Variants in WWOX observed in about 807,000 individuals in gnomAD.
WWOX encodes WW domain containing oxidoreductase, also known as WW domain-containing oxidoreductase.
A neutral mutation model predicts 46.2 loss-of-function variants in WWOX; 69 were observed. That is an observed-to-expected ratio of 1.49 (90% CI 1.23 to 1.82). The LOEUF (loss-of-function observed/expected upper bound fraction) is 1.82. Among genes scored for constraint, WWOX ranks in the 40% most tolerant of loss-of-function variants. WWOX has a pLI of 0.00. For synonymous variants in WWOX, 359 were observed against 202.6 expected (o/e 1.77, Z -6.56); for missense variants, 919 against 542.6 (o/e 1.69, Z -6.89).
chr16:78,373,163 A>G (rs2081734708), intron 5 of WWOX, among the ~76,000 whole-genome samples: 1 of 152,124 alleles, frequency 6.6e-6, no homozygotes, highest in Non-Finnish European at 1.5e-5. Flanking sequence ...CCAGCACACA[A>G]TGACATTTTA....
chr16:78,524,817 T>TG (rs988317153), intron 8 of WWOX, among the ~76,000 whole-genome samples: 4 of 88,722 alleles, frequency 4.5e-5, no homozygotes, highest in South Asian at 5.0e-4. Context: ...TGATTTTTTA[T>TG]GGGTTTTTTT....
intron 8 of WWOX, among the ~76,000 whole-genome samples, chr16:78,937,217 C>G (rs113969919): frequency 1.3e-5 from 2 of 152,064 alleles, no homozygotes; most frequent in Non-Finnish European, 1.5e-5. Context: ...GAAGAGAAAA[C>G]TTTCAACTTT....
chr16:78,213,027 C>T (rs1185733211), intron 5 of WWOX, among the ~76,000 whole-genome samples: 4 of 151,868 alleles, frequency 2.6e-5, no homozygotes, highest in Admixed American at 6.6e-5. Flanking sequence ...GGGAGGTGGG[C>T]GGATCACTTT....
intron 8 of WWOX, among the ~76,000 whole-genome samples, chr16:78,918,075 G>A (rs1015657408): frequency 2.1e-4 from 32 of 152,088 alleles, no homozygotes; most frequent in African/African-American, 7.7e-4. Flanking sequence ...GGTGGTGCAT[G>A]CTTGTAGTCC....
At chr16:79,134,710 T>G (rs573642417) in intron 8 of WWOX, among the ~76,000 whole-genome samples, 4 of 152,294 alleles carry the variant, frequency 2.6e-5, no homozygotes, top group South Asian at 4.1e-4. Context: ...ATGAAGGGAC[T>G]TGGGGCTCAG....
At chr16:78,416,213 C>G (rs11862579) in intron 6 of WWOX, among the ~76,000 whole-genome samples, 11,744 of 152,234 alleles carry the variant, frequency 0.077, 1,288 homozygotes, top group African/African-American at 0.25. Context: ...TTTTCCTTTT[C>G]ATAGTCTGTA....
At chr16:78,109,105 G>A (rs114980716) in intron 2 of WWOX, among the ~76,000 whole-genome samples, 1 of 152,162 alleles carries the variant, frequency 6.6e-6, no homozygotes, top group Non-Finnish European at 1.5e-5. Context: ...CTATACTATG[G>A]AATTAAATAT....
chr16:78,228,655 C>T (rs1230255875), intron 5 of WWOX, among the ~76,000 whole-genome samples: 1 of 152,128 alleles, frequency 6.6e-6, no homozygotes. Flanking sequence ...GAATCATATT[C>T]TCTTCACTGA....
chr16:78,569,344 A>G (rs1158457793), intron 8 of WWOX, among the ~76,000 whole-genome samples: 3 of 152,206 alleles, frequency 2.0e-5, no homozygotes, highest in African/African-American at 7.2e-5. Context: ...TTCAAACTTG[A>G]CATCCACATT....
intron 8 of WWOX, among the ~76,000 whole-genome samples, chr16:78,741,106 C>G (rs2049214605): frequency 6.6e-6 from 1 of 152,106 alleles, no homozygotes; most frequent in Admixed American, 6.5e-5. Context: ...ACAGTCATGC[C>G]TGTTAGGTTA....
chr16:78,475,340 C>T (rs1197572525), intron 8 of WWOX, among the ~76,000 whole-genome samples: 1 of 152,208 alleles, frequency 6.6e-6, no homozygotes, highest in Non-Finnish European at 1.5e-5. Context: ...AGATTGGCTG[C>T]ATCAGCACCT....
At chr16:78,597,552 A>C (rs936270574) in intron 8 of WWOX, among the ~76,000 whole-genome samples, 1 of 152,198 alleles carries the variant, frequency 6.6e-6, no homozygotes, top group Non-Finnish European at 1.5e-5. Flanking sequence ...GACCTGTTTT[A>C]AGAAAAGCTG....
intron 8 of WWOX, among the ~76,000 whole-genome samples, chr16:78,651,838 T>C (rs1037922792): frequency 6.6e-6 from 1 of 152,218 alleles, no homozygotes; most frequent in African/African-American, 2.4e-5. Flanking sequence ...ACTCATGCCT[T>C]ATTCTTTCGG....
intron 8 of WWOX, among the ~76,000 whole-genome samples, chr16:79,158,471 CT>C (rs1199425575): frequency 6.7e-6 from 1 of 150,272 alleles, no homozygotes; most frequent in Non-Finnish European, 1.5e-5. Context: ...CTTTAAACCC[CT>C]TCATGGCTTC....
chr16:78,884,254 C>CT, intron 8 of WWOX, among the ~76,000 whole-genome samples: 1 of 112,946 alleles, frequency 8.9e-6, no homozygotes, highest in South Asian at 2.9e-4. Flanking sequence ...GCTTGGGTGA[C>CT]AGAGTGAGAC....
chr16:79,142,941 C>G (rs2050117843), intron 8 of WWOX, among the ~76,000 whole-genome samples: 1 of 152,036 alleles, frequency 6.6e-6, no homozygotes, highest in African/African-American at 2.4e-5. Context: ...TGGGCTCAAG[C>G]CACCAGCCTG....
intron 8 of WWOX, among the ~76,000 whole-genome samples, chr16:78,443,805 T>A (rs990345473): frequency 5.9e-5 from 9 of 152,206 alleles, no homozygotes; most frequent in African/African-American, 2.2e-4. Context: ...TTTTTTCTTT[T>A]AAGTTTGTGG....
At chr16:79,114,254 G>A (rs1011983087) in intron 8 of WWOX, among the ~76,000 whole-genome samples, 3 of 151,932 alleles carry the variant, frequency 2.0e-5, no homozygotes, top group African/African-American at 7.3e-5. Flanking sequence ...TTTGGAAGTA[G>A]GGTCTTTGCA....
At chr16:78,476,894 C>T (rs1597139478) in intron 8 of WWOX, among the ~76,000 whole-genome samples, 1 of 151,982 alleles carries the variant, frequency 6.6e-6, no homozygotes, top group East Asian at 1.9e-4. Flanking sequence ...TTCTTCCTCC[C>T]TCTTCTCTCC....
Sources: gnomAD v4.1 joint callset for allele counts (sites outside exome capture counted in the v4.1 genomes callset) on GRCh38, gnomAD v4.1.1 for gene constraint, MANE v1.5 for transcripts, NCBI Gene and HGNC (gene_info 2026-07-23, HGNC 2026-07-21) for gene names.